EPHB2: variants seen among roughly 807,000 people sequenced by gnomAD.
The protein encoded by EPHB2 is EPH receptor B2, also known as ephrin type-B receptor 2.
In EPHB2, 18 loss-of-function variants were observed where a neutral mutation model predicts 96.4. The ratio of observed to expected loss-of-function variants is 0.19; its 90% CI spans 0.13 to 0.28. EPHB2 has a LOEUF of 0.28. Ranked by LOEUF, EPHB2 falls within the 10% of genes least tolerant of loss-of-function variation. EPHB2 has a pLI of 1.00. For missense variants in EPHB2, 989 were observed against 1,355.4 expected (o/e 0.73, Z 4.25); for synonymous variants, 506 against 534.1 (o/e 0.95, Z 0.72).
At chr1:22,903,792 C>T (rs1011819452) in intron 9 of EPHB2, among the ~76,000 whole-genome samples, 1 of 152,190 alleles carries the variant, frequency 6.6e-6, no homozygotes, top group Non-Finnish European at 1.5e-5. Flanking sequence ...CATTGAGTGT[C>T]TGCTGTGTGC....
intron 1 of EPHB2, among the ~76,000 whole-genome samples, chr1:22,762,541 G>A (rs1022778982): frequency 6.6e-6 from 1 of 152,074 alleles, no homozygotes; most frequent in African/African-American, 2.4e-5. Flanking sequence ...AAGGGGTGGT[G>A]TGTGAGTGGG....
rs534179913 is a variant in EPHB2 at position 22,832,900 on chromosome 1, T to G, written c.812-30137T>G. 7.4e-3 allele frequency among the ~76,000 whole-genome samples: 1,004 copies of G among 135,856 alleles called. 8 individuals are homozygous for G. The highest frequency in any genetic ancestry group is 0.025 in the African/African-American group (899 of 36,106). 89.1% of individuals were successfully genotyped at this position (135,856 alleles called of 152,430 possible). On this transcript the variant is annotated intron_variant, in intron 3 of 15. Coordinates refer to ENST00000374630, the MANE Select transcript of EPHB2 (RefSeq NM_017449.5). ...ACAGACTCACATGTATAAGTAACAG[T>G]CATGCATGCACAGCCATGCACATGT...
intron 3 of EPHB2, among the ~76,000 whole-genome samples, chr1:22,786,451 G>C (rs536157932): frequency 6.6e-6 from 1 of 152,298 alleles, no homozygotes; most frequent in East Asian, 1.9e-4. Context: ...CAGGTTAAAG[G>C]TTTGGACCCT....
intron 1 of EPHB2, among the ~76,000 whole-genome samples, chr1:22,734,241 C>G (rs1055696440): frequency 6.6e-6 from 1 of 152,124 alleles, no homozygotes; most frequent in Non-Finnish European, 1.5e-5. Context: ...AAATCTTACC[C>G]CCCGGCACAG....
chr1:22,833,149 G>A (rs535092778), intron 3 of EPHB2, among the ~76,000 whole-genome samples: 33 of 151,622 alleles, frequency 2.2e-4, no homozygotes, highest in African/African-American at 7.8e-4. Context: ...ACAGAGTCTC[G>A]CTCTTTTGCC....
chr1:22,840,950 A>C (rs548992145), intron 3 of EPHB2, among the ~76,000 whole-genome samples: 1 of 152,214 alleles, frequency 6.6e-6, no homozygotes, highest in African/African-American at 2.4e-5. Context: ...TCTCACAGCC[A>C]GGAAGTGGTC....
chr1:22,883,199 C>T (rs183370856), intron 6 of EPHB2, among the ~76,000 whole-genome samples: 106 of 152,322 alleles, frequency 7.0e-4, no homozygotes, highest in African/African-American at 2.2e-3. Flanking sequence ...ATGCAGGTTA[C>T]GGAGAAAAGG....
chr1:22,841,396 G>A (rs2148498022), intron 3 of EPHB2, among the ~76,000 whole-genome samples: 1 of 152,244 alleles, frequency 6.6e-6, no homozygotes, highest in Non-Finnish European at 1.5e-5. Flanking sequence ...GGGCAGGAGG[G>A]AGTCTGGACT....
At chr1:22,816,799 C>T (rs1357926815) in intron 3 of EPHB2, among the ~76,000 whole-genome samples, 1 of 152,194 alleles carries the variant, frequency 6.6e-6, no homozygotes, top group Non-Finnish European at 1.5e-5. Flanking sequence ...AGTGATGAGG[C>T]TAATGGTGGC....
At chr1:22,783,328 C>T (rs1423110383) in intron 2 of EPHB2, among the ~76,000 whole-genome samples, 1 of 152,214 alleles carries the variant, frequency 6.6e-6, no homozygotes, top group East Asian at 1.9e-4. Context: ...AGAGGGGACT[C>T]TGCTGTTGGG....
At chr1:22,893,078 A>G in intron 7 of EPHB2, 32 bp downstream of exon 7, 3 of 1,614,002 alleles carry the variant, frequency 1.9e-6, no homozygotes, top group Non-Finnish European at 1.7e-6. Flanking sequence ...AGAGGAGGGC[A>G]CAGACTCCAC....
intron 3 of EPHB2, among the ~76,000 whole-genome samples, chr1:22,821,852 G>A (rs577947305): frequency 6.6e-6 from 1 of 152,328 alleles, no homozygotes; most frequent in East Asian, 1.9e-4. Context: ...CAGTTTACGA[G>A]ATACTCTGAA....
At chr1:22,749,736 C>T (rs918916800) in intron 1 of EPHB2, among the ~76,000 whole-genome samples, 7 of 152,128 alleles carry the variant, frequency 4.6e-5, no homozygotes, top group Non-Finnish European at 4.4e-5. Flanking sequence ...TTCATTCATT[C>T]GTTCATTCAT....
chr1:22,799,443 C>T (rs779438079), intron 3 of EPHB2, among the ~76,000 whole-genome samples: 1 of 152,136 alleles, frequency 6.6e-6, no homozygotes. Context: ...AAGCCTTGAT[C>T]GCCTCATCTC....
intron 5 of EPHB2, among the ~76,000 whole-genome samples, chr1:22,881,122 C>A (rs1241660802): frequency 6.6e-6 from 1 of 152,076 alleles, no homozygotes; most frequent in East Asian, 1.9e-4. Flanking sequence ...AAAATTACAC[C>A]AGGCACAGTG....
At position 22,710,895 on chromosome 1, in the gene EPHB2, C is replaced by T. The variant is rs546958756; in HGVS notation, c.-88C>T. 7 of 146,162 alleles carry T rather than the reference C, an allele frequency of 4.8e-5. No homozygotes were observed. Among genetic ancestry groups the T allele is most frequent in the Admixed American group, 6.8e-5 (1 of 14,718 alleles). 9.1% of individuals were successfully genotyped at this position (146,162 alleles called of 1,614,324 possible). On this transcript the variant is annotated 5_prime_UTR_variant, in exon 1 of 16. Transcript: ENST00000374630. ...GTGTGCGCCGCGCCTTGCCGCCCCC[C>T]CTGGCCCCCCGAGCCCGGGGCGCGC...
intron 3 of EPHB2, among the ~76,000 whole-genome samples, chr1:22,834,795 A>G (rs954060951): frequency 1.3e-5 from 2 of 151,806 alleles, no homozygotes; most frequent in Non-Finnish European, 2.9e-5. Context: ...GTGTGGTGGC[A>G]TGCACCTGTA....
intron 5 of EPHB2, among the ~76,000 whole-genome samples, chr1:22,876,946 C>T (rs1484365131): frequency 6.6e-6 from 1 of 152,226 alleles, no homozygotes; most frequent in Non-Finnish European, 1.5e-5. Context: ...GCTACGCCTG[C>T]CAGGCCCAGA....
intron 3 of EPHB2, 144 bp from the exon 4 acceptor site, chr1:22,862,893 C>T (rs1050609762): frequency 1.8e-6 from 2 of 1,131,502 alleles, no homozygotes; most frequent in African/African-American, 3.0e-5. Flanking sequence ...AGACTTCAAA[C>T]CCTTCAAGAG....
Sources: gnomAD v4.1 joint callset for allele counts (sites outside exome capture counted in the v4.1 genomes callset) on GRCh38, gnomAD v4.1.1 for gene constraint, MANE v1.5 for transcripts, NCBI Gene and HGNC (gene_info 2026-07-23, HGNC 2026-07-21) for gene names.